GLIS3: variants seen among roughly 807,000 people sequenced by gnomAD.
The protein encoded by GLIS3 is GLIS family zinc finger 3.
Under a neutral mutation model 78.6 loss-of-function variants are expected in GLIS3, and 53 were observed. The observed-to-expected ratio is 0.67, with a 90% CI of 0.54 to 0.85. GLIS3 has a LOEUF of 0.85. Ranked by LOEUF, GLIS3 falls within the 40% of genes least tolerant of loss-of-function variation. GLIS3 has a pLI of 0.00. For synonymous variants in GLIS3, 684 were observed against 509.9 expected, an observed-to-expected ratio of 1.34 and a Z score of -4.60; for missense variants, 1,703 against 1,231.1, an observed-to-expected ratio of 1.38 and a Z score of -5.74.
chr9:4,394,522 C>G, the GLIS3 span, among the ~76,000 whole-genome samples: 1 of 152,036 alleles, frequency 6.6e-6, no homozygotes, highest in African/African-American at 2.4e-5. Context: ...AACTGTCAAG[C>G]TTTAATTTGG....
intron 2 of GLIS3, among the ~76,000 whole-genome samples, chr9:4,255,515 G>A (rs1277905649): frequency 6.6e-6 from 1 of 152,118 alleles, no homozygotes; most frequent in East Asian, 1.9e-4. Context: ...TCCAGACAAT[G>A]GAATATTATT....
chr9:4,049,666 C>T (rs974827189), intron 4 of GLIS3, among the ~76,000 whole-genome samples: 3 of 152,136 alleles, frequency 2.0e-5, no homozygotes, highest in Non-Finnish European at 4.4e-5. Context: ...AGGCAACCTA[C>T]AGAATGGGAG....
chr9:4,155,207 A>T (rs1834963498), intron 2 of GLIS3, among the ~76,000 whole-genome samples: 1 of 152,246 alleles, frequency 6.6e-6, no homozygotes, highest in Admixed American at 6.5e-5. Context: ...GAAGAAAAAA[A>T]TACTAGTGTT....
the GLIS3 span, among the ~76,000 whole-genome samples, chr9:4,477,753 A>G: frequency 6.6e-6 from 1 of 152,088 alleles, no homozygotes; most frequent in Non-Finnish European, 1.5e-5. Context: ...TCAGTCTGGG[A>G]AGGTAAAAAT....
intron 2 of GLIS3, among the ~76,000 whole-genome samples, chr9:4,257,339 T>C (rs6476830): frequency 0.81 from 123,280 of 152,006 alleles, 50,509 homozygotes; most frequent in East Asian, 0.98. Context: ...GGTGGGGATG[T>C]GAGATGCAAG....
At chr9:3,946,951 C>T (rs1399171672) in intron 4 of GLIS3, among the ~76,000 whole-genome samples, 1 of 151,478 alleles carries the variant, frequency 6.6e-6, no homozygotes, top group Non-Finnish European at 1.5e-5. Context: ...TGTCACCAAA[C>T]AGCAGGTCAA....
chr9:4,029,970 G>C (rs1476528148), intron 4 of GLIS3, among the ~76,000 whole-genome samples: 2 of 152,138 alleles, frequency 1.3e-5, no homozygotes, highest in Non-Finnish European at 2.9e-5. Context: ...CAGTGGGATT[G>C]ATAGCTGGAT....
chr9:4,438,064 C>G, the GLIS3 span, among the ~76,000 whole-genome samples: 1 of 152,104 alleles, frequency 6.6e-6, no homozygotes, highest in South Asian at 2.1e-4. Context: ...CTATGTTTTT[C>G]AATGGTCAGC....
At chr9:4,175,217 T>C (rs190288685) in intron 2 of GLIS3, among the ~76,000 whole-genome samples, 21 of 152,322 alleles carry the variant, frequency 1.4e-4, no homozygotes, top group Middle Eastern at 6.8e-3. Flanking sequence ...CAAGCCTCTT[T>C]ATTAAAAGCA....
chr9:4,374,347 G>A, the GLIS3 span, among the ~76,000 whole-genome samples: 1 of 152,230 alleles, frequency 6.6e-6, no homozygotes, highest in African/African-American at 2.4e-5. Context: ...GGAAAGGGCT[G>A]CTGTGGATAC....
At chr9:3,879,292 C>T (rs1821559492) in intron 8 of GLIS3, 135 bp downstream of exon 8, 2 of 833,564 alleles carry the variant, frequency 2.4e-6, no homozygotes, top group Admixed American at 1.9e-5. Context: ...TGTGTATGTA[C>T]TTTTAAAATG....
At chr9:3,993,267 C>T (rs1029240253) in intron 4 of GLIS3, among the ~76,000 whole-genome samples, 3 of 152,154 alleles carry the variant, frequency 2.0e-5, no homozygotes, top group Non-Finnish European at 4.4e-5. Flanking sequence ...ACTGCTGCTT[C>T]CCCTGACAGT....
chr9:4,043,500 C>G (rs903376035), intron 4 of GLIS3, among the ~76,000 whole-genome samples: 2 of 151,900 alleles, frequency 1.3e-5, no homozygotes, highest in Non-Finnish European at 2.9e-5. Flanking sequence ...ATCAGTCAGT[C>G]TGTAGGAAGG....
chr9:4,227,822 A>G (rs1207594921), intron 2 of GLIS3, among the ~76,000 whole-genome samples: 1 of 152,218 alleles, frequency 6.6e-6, no homozygotes, highest in African/African-American at 2.4e-5. Context: ...CAATTAAAAA[A>G]CAATGCTGCT....
At chr9:3,953,795 C>CTCTCTATATATATATATATA (rs1403671770) in intron 4 of GLIS3, among the ~76,000 whole-genome samples, 7 of 73,322 alleles carry the variant, frequency 9.5e-5, no homozygotes, top group African/African-American at 3.4e-4. Context: ...CTCTCTCTCT[C>CTCTCTATATATATATATATA]TATATATATA....
intron 2 of GLIS3, among the ~76,000 whole-genome samples, chr9:4,144,200 C>T (rs79208640): frequency 6.6e-6 from 1 of 152,038 alleles, no homozygotes; most frequent in East Asian, 1.9e-4. Flanking sequence ...CTACTAACAC[C>T]TCCGTCCAAA....
chr9:4,346,398 G>GC (rs59146564), intron 2 of GLIS3, among the ~76,000 whole-genome samples: 147,464 of 152,256 alleles, frequency 0.97, 71,566 homozygotes, highest in East Asian at 1. Context: ...TGACTGCCCT[G>GC]CCCTGAAGCA....
At chr9:4,321,461 A>AAAAAT (rs1563932116) in intron 2 of GLIS3, among the ~76,000 whole-genome samples, 25 of 141,006 alleles carry the variant, frequency 1.8e-4, no homozygotes, top group African/African-American at 6.5e-4. Flanking sequence ...AAAAAAAAAA[A>AAAAAT]AATCAGGTGC....
At chr9:3,972,255 T>C (rs957808385) in intron 4 of GLIS3, among the ~76,000 whole-genome samples, 1 of 152,200 alleles carries the variant, frequency 6.6e-6, no homozygotes, top group Admixed American at 6.6e-5. Flanking sequence ...GGTTCTTCTC[T>C]TTTTAGGATG....
Sources: allele counts gnomAD v4.1 joint callset (sites outside exome capture counted in the v4.1 genomes callset), GRCh38; gene constraint gnomAD v4.1.1; transcripts MANE v1.5; gene names NCBI Gene and HGNC (gene_info 2026-07-23, HGNC 2026-07-21).